ARGLU1: variants seen among roughly 807,000 people sequenced by gnomAD.
ARGLU1 encodes arginine and glutamate rich 1, also known as arginine and glutamate-rich protein 1.
A neutral mutation model predicts 37.6 loss-of-function variants in ARGLU1; 9 were observed. The observed-to-expected ratio is 0.24, with a 90% CI of 0.14 to 0.42. The LOEUF is 0.42. ARGLU1 is among the 10% of genes least tolerant of loss of function. ARGLU1 has a pLI of 1.00. For missense variants in ARGLU1, 211 were observed against 359.2 expected, an observed-to-expected ratio of 0.59 and a Z score of 3.34; for synonymous variants, 166 against 138.5, an observed-to-expected ratio of 1.20 and a Z score of -1.39.
intron 3 of ARGLU1, among the ~76,000 whole-genome samples, chr13:106,552,658 T>C (rs568635158): frequency 2.6e-5 from 4 of 152,254 alleles, no homozygotes; most frequent in African/African-American, 9.6e-5. Context: ...AGGCACATCA[T>C]AAAAACACCA....
chr13:106,567,652 T>C lies in ARGLU1; in HGVS notation c.268A>G (p.Ser90Gly), dbSNP rs1413514928. 6.2e-7 allele frequency: 1 copy of C among 1,612,974 alleles called. No individual in the cohort carries two copies. Among genetic ancestry groups the C allele is most frequent in the African/African-American group, 1.3e-5 (1 of 74,766 alleles). Residue 90 changes from serine to glycine, a missense_variant, in exon 1 of 4, where the codon AGC becomes GGC. By Grantham distance (56) the Ser-to-Gly change is moderately conservative (BLOSUM62 0). Coordinates refer to ENST00000400198, the MANE Select transcript of ARGLU1 (RefSeq NM_018011.4). The surrounding 1 kb of genome is among the most constrained non-coding windows in gnomAD (Gnocchi z 4.3). Reference protein sequence around the residue: ...DRIDIFGRTVSKRSSLDEKQK... With the variant: ...DRIDIFGRTVGKRSSLDEKQK... ...TTCTCGTCCAGGCTGCTGCGCTTGC[T>C]CACCGTGCGCCCGAAGATGTCGATG...
At chr13:106,544,652 A>G (rs1483954328) in intron 3 of ARGLU1, among the ~76,000 whole-genome samples, 1 of 152,148 alleles carries the variant, frequency 6.6e-6, no homozygotes, top group Non-Finnish European at 1.5e-5. Context: ...TTACTCAAAG[A>G]GCAGGTTATC....
intron 3 of ARGLU1, among the ~76,000 whole-genome samples, 200 bp from the exon 4 acceptor site, chr13:106,544,360 C>T (rs1880338641): frequency 6.6e-6 from 1 of 152,032 alleles, no homozygotes; most frequent in Admixed American, 6.6e-5. Context: ...CACACAATGG[C>T]ATGTGTCATA....
rs767932020 is a variant in ARGLU1 at position 106,557,097 on chromosome 13, C to T, written c.608G>A (p.Arg203Gln). ...EERAKREELE[R>Q]ILEENNRKIA... ...TTTTCGGTTATTCTCTTCCAGTATT[C>T]GCTCTAGCTCCTCACGTTTTGCACG... Residue 203 changes from arginine to glutamine, a missense_variant, in exon 3 of 4, where the codon CGA becomes CAA. Transcript: ENST00000400198. This position sits in a 1 kb window ranked among gnomAD's most constrained non-coding sequence, Gnocchi z 5.0. The T allele has an allele frequency of 5.0e-6, 8 of 1,613,900 alleles. No individual in the cohort carries two copies. Among genetic ancestry groups the T allele is most frequent in the East Asian group, 4.5e-5 (2 of 44,868 alleles).
intron 1 of ARGLU1, among the ~76,000 whole-genome samples, chr13:106,564,955 TTC>T (rs762537088): frequency 6.6e-6 from 1 of 152,102 alleles, no homozygotes; most frequent in East Asian, 1.9e-4. Flanking sequence ...AGAACCAACA[TTC>T]TTTTTCTGAA....
intron 1 of ARGLU1, among the ~76,000 whole-genome samples, chr13:106,563,286 T>A (rs553112952): frequency 6.6e-6 from 1 of 152,172 alleles, no homozygotes; most frequent in Non-Finnish European, 1.5e-5. Flanking sequence ...ATTATTCCTA[T>A]GCAGTGGGTA....
Position 106,559,201 on chromosome 13 carries a change from T to G in ARGLU1, c.573+231A>C, listed in dbSNP as rs932440917. 3 of 1,488,692 alleles carry G rather than the reference T, an allele frequency of 2.0e-6. No homozygotes were observed. In the Admixed American group the frequency reaches 6.1e-5, roughly 30 times the overall value. 92.2% of individuals were successfully genotyped at this position (1,488,692 alleles called of 1,614,324 possible). A position where few individuals can be genotyped will look rare whatever the true frequency, so the allele number is the denominator to read the frequency against. On this transcript the variant is annotated intron_variant, in intron 2 of 3. Transcript: ENST00000400198. ...ACACTTCTCAAATAGCCAGTTCCAT[T>G]AAATCAAAAAGTATCCTTGAATATG...
intron 2 of ARGLU1, chr13:106,558,315 T>C (rs1880708399): frequency 4.1e-6 from 4 of 984,996 alleles, no homozygotes; most frequent in Non-Finnish European, 4.8e-6. Flanking sequence ...AGCATGTATA[T>C]CTAGTTAAAG....
In ARGLU1 at chr13:106,542,004, A is replaced by G. The variant is rs1181457659; in HGVS notation, c.*1992T>C. ...CCTCTTTCCCATAGCCTGGCAGAGG[A>G]AAGTAGTTACCAAGCACAGGAACAA... On this transcript the variant is annotated 3_prime_UTR_variant, in exon 4 of 4. Coordinates refer to ENST00000400198, the MANE Select transcript of ARGLU1 (RefSeq NM_018011.4). The G allele has an allele frequency of 6.6e-6, 1 of 152,112 alleles. No individual in the cohort carries two copies. The highest frequency in any genetic ancestry group is 1.5e-5 in the Non-Finnish European group (1 of 68,024). The allele number at this position is 152,112 out of a possible 1,614,324, so 9.4% of individuals were successfully genotyped here. A position where few individuals can be genotyped will look rare whatever the true frequency, so the allele number is the denominator to read the frequency against.
intron 2 of ARGLU1, 170 bp downstream of exon 2, chr13:106,559,262 A>G (rs1880733854): frequency 2.6e-6 from 4 of 1,534,348 alleles, no homozygotes; most frequent in Non-Finnish European, 3.5e-6. Flanking sequence ...GTTATCAGTC[A>G]GCACTTCTGA....
chr13:106,541,874 A>G lies in ARGLU1; in HGVS notation c.*2122T>C, dbSNP rs1164089964. Reference sequence around the variant, plus strand: ...TCTAATAGACTGGGGGAAATTTTTAAGTTTTCTATGTACACAAAGGCAGTG... The same window carrying G: ...TCTAATAGACTGGGGGAAATTTTTAGGTTTTCTATGTACACAAAGGCAGTG... On this transcript the variant is annotated 3_prime_UTR_variant, in exon 4 of 4. Transcript: ENST00000400198. 6.6e-6 allele frequency: 1 copy of G among 152,194 alleles called. No homozygotes were observed. Among genetic ancestry groups the G allele is most frequent in the African/African-American group, 2.4e-5 (1 of 41,450 alleles). The allele number at this position is 152,194 out of a possible 1,614,324, so 9.4% of individuals were successfully genotyped here.
chr13:106,557,914 T>C lies in ARGLU1; in HGVS notation c.574-783A>G. 5.1e-6 allele frequency: 5 copies of C among 985,478 alleles called. No homozygotes were observed. Among genetic ancestry groups the C allele is most frequent in the Non-Finnish European group, 6.0e-6 (5 of 829,922 alleles). The allele number at this position is 985,478 out of a possible 1,614,324, so 61.0% of individuals were successfully genotyped here. A position where few individuals can be genotyped will look rare whatever the true frequency, so the allele number is the denominator to read the frequency against. Reference sequence around the variant, plus strand: ...TCGGAAGGCAGCTTATATTGTCATCTACAATCTGAACTGAAACTCAGAAAT... The same window carrying C: ...TCGGAAGGCAGCTTATATTGTCATCCACAATCTGAACTGAAACTCAGAAAT... On this transcript the variant is annotated intron_variant, in intron 2 of 3. Transcript: ENST00000400198. The surrounding 1 kb of genome is among the most constrained non-coding windows in gnomAD (Gnocchi z 5.0).
At chr13:106,545,076 C>T (rs1017176489) in intron 3 of ARGLU1, among the ~76,000 whole-genome samples, 1 of 152,182 alleles carries the variant, frequency 6.6e-6, no homozygotes, top group Admixed American at 6.5e-5. Flanking sequence ...CAATTTTAAT[C>T]CCTTCCCCAA....
Position 106,567,935 on chromosome 13 carries a change from T to C in ARGLU1, c.-16A>G, listed in dbSNP as rs1226409481. Reference sequence around the variant, plus strand: ...ACCGGCCCATCCTTCCGGGAGACGCTCTAACCGCTCGCCTCAGGCCCCTCA... The same window carrying C: ...ACCGGCCCATCCTTCCGGGAGACGCCCTAACCGCTCGCCTCAGGCCCCTCA... On this transcript the variant is annotated 5_prime_UTR_variant, in exon 1 of 4. Transcript: ENST00000400198. The surrounding 1 kb of genome is among the most constrained non-coding windows in gnomAD (Gnocchi z 4.3). 6.3e-7 allele frequency: 1 copy of C among 1,597,908 alleles called. No individual in the cohort carries two copies. Among genetic ancestry groups the C allele is most frequent in the Non-Finnish European group, 8.5e-7 (1 of 1,177,328 alleles).
At position 106,567,832 on chromosome 13, in the gene ARGLU1, G is replaced by C; in HGVS notation, c.88C>G (p.Arg30Gly). The C allele has an allele frequency of 6.2e-7, 1 of 1,613,598 alleles. No homozygotes were observed. The highest frequency in any genetic ancestry group is 8.5e-7 in the Non-Finnish European group (1 of 1,179,870). Residue 30 changes from arginine to glycine, a missense_variant, in exon 1 of 4, where the codon CGA (arginine) becomes GGA (glycine). Physicochemically the swap from Arg to Gly is moderately radical, Grantham distance 125 (BLOSUM62 -2). Transcript: ENST00000400198. The surrounding 1 kb of genome is among the most constrained non-coding windows in gnomAD (Gnocchi z 4.3). ...HNKKRSRSRS[R>G]SRDKERVRKR... ...CGCACGCGCTCCTTGTCCCGGGATC[G>C]CGACCGGGACCGGCTGCGCTTCTTG...
chr13:106,557,438 A>C lies in ARGLU1; in HGVS notation c.574-307T>G. 1 of 765,962 alleles carries C rather than the reference A, an allele frequency of 1.3e-6. No individual in the cohort carries two copies. The highest frequency in any genetic ancestry group is 1.8e-6 in the Non-Finnish European group (1 of 549,720). 47.4% of individuals were successfully genotyped at this position (765,962 alleles called of 1,614,324 possible). Reference sequence around the variant, plus strand: ...ACAACTACAAAACTGGATAGTATTTACCAAATTAAAAAAATAATATATAAA... The same window carrying C: ...ACAACTACAAAACTGGATAGTATTTCCCAAATTAAAAAAATAATATATAAA... On this transcript the variant is annotated intron_variant, in intron 2 of 3. Transcript: ENST00000400198. This position sits in a 1 kb window ranked among gnomAD's most constrained non-coding sequence, Gnocchi z 5.0.
chr13:106,553,262 T>C (rs1880580136), intron 3 of ARGLU1, among the ~76,000 whole-genome samples: 2 of 152,208 alleles, frequency 1.3e-5, no homozygotes. Flanking sequence ...AATAAAAGGA[T>C]CATATTGGAT....
intron 1 of ARGLU1, among the ~76,000 whole-genome samples, chr13:106,564,309 C>T (rs1312736385): frequency 1.3e-5 from 2 of 152,130 alleles, no homozygotes; most frequent in African/African-American, 2.4e-5. Context: ...CCAAGTATCA[C>T]CTACTTTAAA....
intron 3 of ARGLU1, among the ~76,000 whole-genome samples, chr13:106,548,591 C>A (rs1471139614): frequency 6.6e-6 from 1 of 152,112 alleles, no homozygotes; most frequent in Non-Finnish European, 1.5e-5. Flanking sequence ...ACCCTCCTAG[C>A]CATTATGCCC....
Sources: allele counts gnomAD v4.1 joint callset (sites outside exome capture counted in the v4.1 genomes callset), GRCh38; gene constraint gnomAD v4.1.1; non-coding constraint Gnocchi (gnomAD v3.1); transcripts MANE v1.5; gene names NCBI Gene and HGNC (gene_info 2026-07-23, HGNC 2026-07-21).